DPP10: variants seen among roughly 807,000 people sequenced by gnomAD.
DPP10 encodes the protein dipeptidyl peptidase like 10.
Under a neutral mutation model 120.9 loss-of-function variants are expected in DPP10, and 33 were observed. The ratio of observed to expected loss-of-function variants is 0.27; its 90% CI spans 0.21 to 0.37. The LOEUF is 0.37. Ranked by LOEUF, DPP10 falls within the 10% of genes least tolerant of loss-of-function variation. The pLI is 1.00. For synonymous variants in DPP10, 337 were observed against 326.1 expected, an observed-to-expected ratio of 1.03 and a Z score of -0.36; for missense variants, 816 against 942.8, an observed-to-expected ratio of 0.87 and a Z score of 1.76.
At chr2:114,870,167 T>C (rs1465857678) in intron 1 of DPP10, among the ~76,000 whole-genome samples, 1 of 152,186 alleles carries the variant, frequency 6.6e-6, no homozygotes, top group Non-Finnish European at 1.5e-5. Flanking sequence ...AGATATAGCA[T>C]AATGGCTGAC....
intron 19 of DPP10, among the ~76,000 whole-genome samples, chr2:115,796,498 C>T (rs937709707): frequency 4.6e-5 from 7 of 152,016 alleles, no homozygotes; most frequent in South Asian, 2.1e-4. Flanking sequence ...TGAATTAAGT[C>T]GAGATGGAGA....
intron 1 of DPP10, among the ~76,000 whole-genome samples, chr2:115,202,920 C>A (rs1009023696): frequency 6.6e-6 from 1 of 152,008 alleles, no homozygotes; most frequent in Non-Finnish European, 1.5e-5. Context: ...GCCTAATGGG[C>A]AAAATTCCTT....
At position 115,019,599 on chromosome 2, in the gene DPP10, A is replaced by G. The variant is rs564317885; in HGVS notation, c.61-289640A>G. Among the ~76,000 whole-genome samples the G allele has an allele frequency of 9.8e-4, 150 of 152,334 alleles. 1 individual carries two copies. The Middle Eastern group carries it at 0.02, about 21-fold the overall frequency. On this transcript the variant is annotated intron_variant, in intron 1 of 25. Transcript: ENST00000410059. Reference sequence around the variant, plus strand: ...AAGTTTGGAAAACATCTTTGAGGGTATAATTGAGGAAAACTTTCCCAGCCT... The same window carrying G: ...AAGTTTGGAAAACATCTTTGAGGGTGTAATTGAGGAAAACTTTCCCAGCCT...
chr2:115,576,364 TCTG>T (rs2081655340), intron 5 of DPP10, among the ~76,000 whole-genome samples: 1 of 152,186 alleles, frequency 6.6e-6, no homozygotes, highest in Non-Finnish European at 1.5e-5. Context: ...GCAAATAAAT[TCTG>T]CTAAGTTTTC....
At chr2:115,224,815 T>C (rs2057354244) in intron 1 of DPP10, among the ~76,000 whole-genome samples, 1 of 152,200 alleles carries the variant, frequency 6.6e-6, no homozygotes, top group South Asian at 2.1e-4. Context: ...AAAAATAAAA[T>C]TGCTGGGTGA....
chr2:114,500,580 C>A (rs1480703455), intron 1 of DPP10, among the ~76,000 whole-genome samples: 2 of 152,146 alleles, frequency 1.3e-5, no homozygotes, highest in African/African-American at 4.8e-5. Flanking sequence ...AAACCAAGAC[C>A]TGTCTATCAT....
chr2:115,673,242 C>T (rs372509926), intron 5 of DPP10, among the ~76,000 whole-genome samples: 66 of 152,086 alleles, frequency 4.3e-4, no homozygotes, highest in African/African-American at 1.4e-3. Context: ...CAGCCAAATG[C>T]GATTTTATTA....
At chr2:115,114,299 G>A (rs899906596) in intron 1 of DPP10, among the ~76,000 whole-genome samples, 7 of 152,086 alleles carry the variant, frequency 4.6e-5, no homozygotes, top group African/African-American at 1.7e-4. Flanking sequence ...TAAATTTGGA[G>A]ATTTATCTTT....
At chr2:115,147,977 G>C (rs2051324606) in intron 1 of DPP10, among the ~76,000 whole-genome samples, 1 of 152,076 alleles carries the variant, frequency 6.6e-6, no homozygotes, top group Non-Finnish European at 1.5e-5. Context: ...ATGGTGTCAA[G>C]GTAGGTGCTG....
intron 1 of DPP10, among the ~76,000 whole-genome samples, chr2:115,055,473 G>A (rs1478190452): frequency 1.3e-5 from 2 of 151,990 alleles, no homozygotes; most frequent in South Asian, 2.1e-4. Context: ...AGAAGAAAAC[G>A]ACAGGCGAAG....
chr2:115,739,671 A>T lies in DPP10; in HGVS notation c.698-68A>T, dbSNP rs143482500. 379 of 1,508,374 alleles carry T rather than the reference A, an allele frequency of 2.5e-4. 3 individuals carry two copies. The African/African-American group carries it at 4.7e-3, about 19-fold the overall frequency. The allele number at this position is 1,508,374 out of a possible 1,614,324, so 93.4% of individuals were successfully genotyped here. ...TAGGTGTACAATGGAGATTTCAAGGACAGATGTTTGTGGGTCACTGAGCCC... is the reference window on the plus strand; with the variant it reads ...TAGGTGTACAATGGAGATTTCAAGGTCAGATGTTTGTGGGTCACTGAGCCC... On this transcript the variant is annotated intron_variant, in intron 8 of 25. Transcript: ENST00000410059.
chr2:115,185,365 G>A (rs2054363214), intron 1 of DPP10, among the ~76,000 whole-genome samples: 1 of 151,742 alleles, frequency 6.6e-6, no homozygotes, highest in African/African-American at 2.4e-5. Flanking sequence ...TTAATGTCAA[G>A]AATTTAAATT....
At chr2:115,470,518 G>A (rs775606095) in intron 3 of DPP10, among the ~76,000 whole-genome samples, 31 of 152,074 alleles carry the variant, frequency 2.0e-4, no homozygotes, top group Non-Finnish European at 3.7e-4. Context: ...GAGAGGGTTC[G>A]AAGCCCATTA....
At chr2:114,942,620 T>C (rs1697047225) in intron 1 of DPP10, among the ~76,000 whole-genome samples, 1 of 151,702 alleles carries the variant, frequency 6.6e-6, no homozygotes, top group African/African-American at 2.4e-5. Context: ...CTAAGATCTG[T>C]TCCTATATGC....
At chr2:114,626,449 A>G (rs928576155) in intron 1 of DPP10, among the ~76,000 whole-genome samples, 2 of 152,092 alleles carry the variant, frequency 1.3e-5, no homozygotes, top group Non-Finnish European at 2.9e-5. Flanking sequence ...CACATAAACT[A>G]TATATGTGAA....
At chr2:114,962,659 T>C (rs1698730809) in intron 1 of DPP10, among the ~76,000 whole-genome samples, 1 of 152,210 alleles carries the variant, frequency 6.6e-6, no homozygotes, top group Non-Finnish European at 1.5e-5. Context: ...AGAAAGAGAA[T>C]TTAAAGTAAC....
chr2:115,013,026 G>T (rs957905980), intron 1 of DPP10, among the ~76,000 whole-genome samples: 3 of 152,142 alleles, frequency 2.0e-5, no homozygotes, highest in Non-Finnish European at 2.9e-5. Flanking sequence ...GTGTGAATTT[G>T]ATCCTGTCGT....
intron 1 of DPP10, among the ~76,000 whole-genome samples, chr2:115,198,189 A>G (rs1329432920): frequency 1.3e-5 from 2 of 152,224 alleles, no homozygotes; most frequent in African/African-American, 4.8e-5. Context: ...GATTAGGCTA[A>G]GACTTAAATG....
chr2:115,183,443 C>G (rs2054218245), intron 1 of DPP10, among the ~76,000 whole-genome samples: 1 of 152,126 alleles, frequency 6.6e-6, no homozygotes, highest in Non-Finnish European at 1.5e-5. Flanking sequence ...TTTGAAATTA[C>G]CTGTTTACTG....
Sources: allele counts gnomAD v4.1 joint callset (sites outside exome capture counted in the v4.1 genomes callset), GRCh38; gene constraint gnomAD v4.1.1; transcripts MANE v1.5; gene names NCBI Gene and HGNC (gene_info 2026-07-23, HGNC 2026-07-21).